Variants in CLASP2 observed in about 807,000 individuals in gnomAD.
CLASP2 encodes cytoplasmic linker associated protein 2.
Under a neutral mutation model 194.4 loss-of-function variants are expected in CLASP2, and 47 were observed. The observed-to-expected ratio is 0.24, with a 90% CI of 0.19 to 0.31. The LOEUF is 0.31. Ranked by LOEUF, CLASP2 falls within the 10% of genes least tolerant of loss-of-function variation. CLASP2 has a pLI of 1.00. For synonymous variants in CLASP2, 619 were observed against 633.5 expected (o/e 0.98, Z 0.34); for missense variants, 1,445 against 1,823.6 (o/e 0.79, Z 3.78).
intron 38 of CLASP2, among the ~76,000 whole-genome samples, chr3:33,501,340 G>A (rs1374485445): frequency 6.6e-6 from 1 of 152,074 alleles, no homozygotes; most frequent in Non-Finnish European, 1.5e-5. Flanking sequence ...ACAGTGGTCA[G>A]GGGTAAAGAT....
intron 6 of CLASP2, among the ~76,000 whole-genome samples, chr3:33,680,864 C>T (rs2089709615): frequency 2.0e-5 from 3 of 151,752 alleles, no homozygotes; most frequent in Admixed American, 2.0e-4. Context: ...CAGTGGCTCA[C>T]ACCTGTAATC....
chr3:33,558,137 T>A (rs1176035865), intron 29 of CLASP2, among the ~76,000 whole-genome samples: 1 of 152,198 alleles, frequency 6.6e-6, no homozygotes, highest in African/African-American at 2.4e-5. Context: ...TGCCTGACTG[T>A]TCCTCTTTCC....
intron 7 of CLASP2, among the ~76,000 whole-genome samples, chr3:33,662,992 GAGTCTCTTGATCAGTTAT>G (rs1433306463): frequency 6.6e-6 from 1 of 151,984 alleles, no homozygotes; most frequent in South Asian, 2.1e-4. Context: ...TCCTGTGTAT[GAGTCTCTTGATCAGTTAT>G]AGTCTCTTGA....
At chr3:33,624,245 T>C (rs1263436520) in intron 10 of CLASP2, among the ~76,000 whole-genome samples, 3 of 152,074 alleles carry the variant, frequency 2.0e-5, no homozygotes, top group Non-Finnish European at 4.4e-5. Flanking sequence ...AAATATGTCT[T>C]TAAAGTTAAA....
chr3:33,579,243 T>C (rs2154206701), intron 23 of CLASP2, among the ~76,000 whole-genome samples: 1 of 152,318 alleles, frequency 6.6e-6, no homozygotes, highest in East Asian at 1.9e-4. Flanking sequence ...ACTGTTTCCT[T>C]TAATATTAAA....
intron 7 of CLASP2, among the ~76,000 whole-genome samples, chr3:33,658,466 AG>A (rs1326108520): frequency 6.6e-6 from 1 of 152,244 alleles, no homozygotes; most frequent in Non-Finnish European, 1.5e-5. Flanking sequence ...AATATTTTCT[AG>A]AAAAATGTTG....
chr3:33,551,722 G>A (rs752770163), intron 29 of CLASP2, among the ~76,000 whole-genome samples: 1 of 152,176 alleles, frequency 6.6e-6, no homozygotes, highest in South Asian at 2.1e-4. Flanking sequence ...GGTCCCAGGT[G>A]TTTCATTCCC....
At chr3:33,512,860 T>C (rs2050303965) in intron 36 of CLASP2, among the ~76,000 whole-genome samples, 1 of 151,858 alleles carries the variant, frequency 6.6e-6, no homozygotes, top group Non-Finnish European at 1.5e-5. Flanking sequence ...TGTGGTGGCA[T>C]GCACCTGTAG....
chr3:33,536,347 A>T (rs1298609682), intron 33 of CLASP2, among the ~76,000 whole-genome samples: 1 of 152,164 alleles, frequency 6.6e-6, no homozygotes, highest in African/African-American at 2.4e-5. Context: ...GAGTTCACAG[A>T]TTAAATAGGA....
chr3:33,615,002 GA>G (rs2075862897), intron 12 of CLASP2, among the ~76,000 whole-genome samples: 1 of 152,002 alleles, frequency 6.6e-6, no homozygotes, highest in Non-Finnish European at 1.5e-5. Context: ...ATTTGTGAAA[GA>G]AAAGGAAAGT....
chr3:33,684,593 TC>T, intron 5 of CLASP2, 137 bp from the exon 6 acceptor site: 1 of 448,494 alleles, frequency 2.2e-6, no homozygotes. Flanking sequence ...TGGCTTGTCA[TC>T]AGTAAAAAAA....
chr3:33,672,937 C>T (rs570584391), intron 6 of CLASP2, among the ~76,000 whole-genome samples: 24 of 152,214 alleles, frequency 1.6e-4, no homozygotes, highest in African/African-American at 4.8e-4. Flanking sequence ...AAATATGGGA[C>T]TATGTGAAAA....
intron 23 of CLASP2, among the ~76,000 whole-genome samples, chr3:33,581,291 T>C (rs1049113803): frequency 6.6e-6 from 1 of 152,154 alleles, no homozygotes; most frequent in South Asian, 2.1e-4. Context: ...TTTACCGCAG[T>C]GACAAGAGCA....
intron 22 of CLASP2, among the ~76,000 whole-genome samples, chr3:33,582,898 T>C (rs1057095213): frequency 1.3e-5 from 2 of 152,040 alleles, no homozygotes; most frequent in African/African-American, 2.4e-5. Context: ...ACAGAATAAA[T>C]GAAAAGCGCT....
intron 32 of CLASP2, among the ~76,000 whole-genome samples, chr3:33,541,924 A>G (rs1470638364): frequency 6.6e-6 from 1 of 152,202 alleles, no homozygotes; most frequent in African/African-American, 2.4e-5. Flanking sequence ...ACTATCTTCC[A>G]CAATAGTTCA....
chr3:33,693,535 T>C (rs948420793), intron 2 of CLASP2, among the ~76,000 whole-genome samples: 1 of 152,146 alleles, frequency 6.6e-6, no homozygotes, highest in Non-Finnish European at 1.5e-5. Flanking sequence ...CATACCTCTC[T>C]AAGAGCACAT....
chr3:33,588,834 C>A, intron 21 of CLASP2: 2 of 663,218 alleles, frequency 3.0e-6, no homozygotes, highest in South Asian at 3.3e-5. Context: ...AAGCTTTAGT[C>A]AGTTCTCAGA....
At position 33,696,169 on chromosome 3, in the gene CLASP2, T is replaced by C. The variant is rs1449523603; in HGVS notation, c.274+686A>G. 2.6e-5 allele frequency among the ~76,000 whole-genome samples: 4 copies of C among 152,064 alleles called. No homozygotes were observed. The East Asian group carries it at 7.7e-4, about 29-fold the overall frequency. On this transcript the variant is annotated intron_variant, in intron 2 of 38. Transcript: ENST00000682230. ...AAAAAATTGGGTCTTGTTTTTTTTT[T>C]CATTTAATTTTGCTATAATTTATTC...
intron 10 of CLASP2, 23 bp from the exon 11 acceptor site, chr3:33,622,303 T>C (rs774961634): frequency 5.6e-6 from 8 of 1,437,016 alleles, no homozygotes; most frequent in Admixed American, 2.6e-5. Flanking sequence ...ATTTTCATTA[T>C]TGACAAAAAA....
Sources: allele counts gnomAD v4.1 joint callset (sites outside exome capture counted in the v4.1 genomes callset), GRCh38; gene constraint gnomAD v4.1.1; transcripts MANE v1.5; gene names NCBI Gene and HGNC (gene_info 2026-07-23, HGNC 2026-07-21).